CAMKMT: variants seen among roughly 807,000 people sequenced by gnomAD.
CAMKMT encodes calmodulin-lysine N-methyltransferase.
In CAMKMT, 53 loss-of-function variants were observed where a neutral mutation model predicts 48.0. That is an observed-to-expected ratio of 1.10 (90% CI 0.89 to 1.39). The LOEUF (loss-of-function observed/expected upper bound fraction) is 1.39, where lower values mean the gene tolerates loss of function less well. Among genes scored for constraint, CAMKMT ranks in the 40% most tolerant of loss-of-function variants. The pLI, the probability that CAMKMT is intolerant of heterozygous loss-of-function variation, is 0.00. For synonymous variants in CAMKMT, 165 were observed against 152.3 expected, an observed-to-expected ratio of 1.08 and a Z score of -0.61; for missense variants, 428 against 402.7, an observed-to-expected ratio of 1.06 and a Z score of -0.54.
intron 3 of CAMKMT, chr2:44,394,940 C>T (rs1443449947): frequency 4.4e-6 from 2 of 454,938 alleles, no homozygotes; most frequent in East Asian, 6.9e-5. Context: ...TGGATGATTG[C>T]TTGAGCCCAA....
chr2:44,563,938 A>C (rs1668469540), intron 3 of CAMKMT, among the ~76,000 whole-genome samples: 1 of 152,156 alleles, frequency 6.6e-6, no homozygotes, highest in Admixed American at 6.5e-5. Context: ...ATGAACATAC[A>C]TGTGCATATG....
chr2:44,647,694 A>G (rs1673813127), intron 3 of CAMKMT, among the ~76,000 whole-genome samples: 1 of 151,982 alleles, frequency 6.6e-6, no homozygotes, highest in Non-Finnish European at 1.5e-5. Flanking sequence ...TCACGAGGTC[A>G]GGAGATCAAG....
At chr2:44,671,681 T>C (rs1234942144) in intron 3 of CAMKMT, among the ~76,000 whole-genome samples, 2 of 152,228 alleles carry the variant, frequency 1.3e-5, no homozygotes, top group African/African-American at 4.8e-5. Context: ...TTCAGGGATT[T>C]TTTTGGTGTG....
intron 3 of CAMKMT, among the ~76,000 whole-genome samples, chr2:44,536,783 C>T (rs968091350): frequency 6.6e-6 from 1 of 152,104 alleles, no homozygotes; most frequent in East Asian, 1.9e-4. Flanking sequence ...GATATAGTAA[C>T]CCAAACAGCA....
At chr2:44,604,388 T>C (rs989484079) in intron 3 of CAMKMT, among the ~76,000 whole-genome samples, 18 of 152,170 alleles carry the variant, frequency 1.2e-4, no homozygotes, top group African/African-American at 4.1e-4. Context: ...TCCTTTATCA[T>C]ACAAGGTGTG....
intron 3 of CAMKMT, among the ~76,000 whole-genome samples, chr2:44,514,449 A>C (rs2104778571): frequency 6.6e-6 from 1 of 152,334 alleles, no homozygotes; most frequent in South Asian, 2.1e-4. Flanking sequence ...TCTAAGAACT[A>C]ACCAAGCCTA....
intron 3 of CAMKMT, among the ~76,000 whole-genome samples, chr2:44,538,193 C>T (rs1666886975): frequency 6.6e-6 from 1 of 151,894 alleles, no homozygotes; most frequent in Non-Finnish European, 1.5e-5. Context: ...GATGGTGAAA[C>T]CCTGTCTCTA....
chr2:44,704,330 A>C lies in CAMKMT; in HGVS notation c.424A>C (p.Asn142His), dbSNP rs754017942. Residue 142 changes from asparagine to histidine, a missense_variant, in exon 4 of 11, where the codon AAT becomes CAT. Physicochemically the swap from Asn to His is moderately conservative, Grantham distance 68. Transcript: ENST00000378494. ...TTTGGCTTACTACTGCCTCAAGCAC[A>C]ATAATATATTCAGGTACAGAGCTGC... ...EVLAYYCLKH[N>H]NIFRALAVCE... 9 of 1,609,056 alleles carry C rather than the reference A, an allele frequency of 5.6e-6. No homozygotes were observed. The highest frequency in any genetic ancestry group is 6.8e-6 in the Non-Finnish European group (8 of 1,177,214).
intron 7 of CAMKMT, among the ~76,000 whole-genome samples, chr2:44,736,050 A>G (rs1331384182): frequency 6.6e-6 from 1 of 152,196 alleles, no homozygotes; most frequent in Non-Finnish European, 1.5e-5. Flanking sequence ...TGTTTAACCA[A>G]TTATATTTAA....
chr2:44,697,390 T>C (rs1039032745), intron 3 of CAMKMT, among the ~76,000 whole-genome samples: 3 of 151,922 alleles, frequency 2.0e-5, no homozygotes, highest in Admixed American at 6.6e-5. Flanking sequence ...GTACCAAGCA[T>C]AGAGGGCATT....
chr2:44,723,140 G>T (rs1222201101), intron 7 of CAMKMT, among the ~76,000 whole-genome samples: 1 of 152,130 alleles, frequency 6.6e-6, no homozygotes, highest in Non-Finnish European at 1.5e-5. Context: ...ACACATTCTA[G>T]ATCCCCACAC....
chr2:44,609,519 A>G (rs1248988338), intron 3 of CAMKMT, among the ~76,000 whole-genome samples: 1 of 152,230 alleles, frequency 6.6e-6, no homozygotes, highest in Non-Finnish European at 1.5e-5. Flanking sequence ...AAGTTATGCC[A>G]CATGTGAGTG....
chr2:44,435,292 G>A (rs1206340325), intron 3 of CAMKMT, among the ~76,000 whole-genome samples: 3 of 151,984 alleles, frequency 2.0e-5, no homozygotes, highest in African/African-American at 7.3e-5. Flanking sequence ...TTCTTGGGTG[G>A]AAGTGCTGTC....
rs140882207 is a variant in CAMKMT, at chr2:44,512,103, T to A, written c.376+121798T>A. ...CTTACGTCAGCCATGACACTTGTAG[T>A]CACTGCTGCTACCACTTACCAAGGA... On this transcript the variant is annotated intron_variant, in intron 3 of 10. Transcript: ENST00000378494. Among the ~76,000 whole-genome samples the A allele has an allele frequency of 1.7e-3, 266 of 152,304 alleles. 1 individual carries two copies. Among genetic ancestry groups the A allele is most frequent in the Non-Finnish European group, 2.7e-3 (184 of 68,036 alleles).
At chr2:44,437,010 C>T (rs1268687255) in intron 3 of CAMKMT, among the ~76,000 whole-genome samples, 5 of 152,094 alleles carry the variant, frequency 3.3e-5, no homozygotes, top group Non-Finnish European at 7.4e-5. Flanking sequence ...GAATTTATAA[C>T]ATACCATTTT....
At chr2:44,717,531 A>C (rs540173477) in intron 7 of CAMKMT, among the ~76,000 whole-genome samples, 19 of 152,340 alleles carry the variant, frequency 1.2e-4, no homozygotes, top group African/African-American at 4.3e-4. Context: ...TGAGAGAAGA[A>C]ATAAAAGGAA....
intron 3 of CAMKMT, among the ~76,000 whole-genome samples, chr2:44,644,904 T>C (rs1350406668): frequency 1.3e-5 from 2 of 152,196 alleles, no homozygotes; most frequent in Non-Finnish European, 2.9e-5. Flanking sequence ...TTCTGAAATA[T>C]ATAATTACCA....
At position 44,657,417 on chromosome 2, in the gene CAMKMT, G is replaced by C. The variant is rs1043109566; in HGVS notation, c.377-46866G>C. On this transcript the variant is annotated intron_variant, in intron 3 of 10. Coordinates refer to ENST00000378494, the MANE Select transcript of CAMKMT (RefSeq NM_024766.5). This position sits in a 1 kb window ranked among gnomAD's most constrained non-coding sequence, Gnocchi z 4.3. ...ATGAATATTGTGAACCTGAAGTTCA[G>C]AATGACTCTTCCACCCTCCCTATGA... 3.3e-5 allele frequency among the ~76,000 whole-genome samples: 5 copies of C among 152,170 alleles called. No homozygotes were observed. The highest frequency in any genetic ancestry group is 3.3e-4 in the Admixed American group (5 of 15,272).
intron 3 of CAMKMT, among the ~76,000 whole-genome samples, chr2:44,517,117 G>A (rs1357502446): frequency 2.0e-5 from 3 of 152,138 alleles, no homozygotes; most frequent in Non-Finnish European, 2.9e-5. Context: ...ATAAGTGTTT[G>A]TTAATGAAAT....
Sources: gnomAD v4.1 joint callset for allele counts (sites outside exome capture counted in the v4.1 genomes callset) on GRCh38, gnomAD v4.1.1 for gene constraint, Gnocchi (gnomAD v3.1) non-coding constraint, MANE v1.5 for transcripts, NCBI Gene and HGNC (gene_info 2026-07-23, HGNC 2026-07-21) for gene names.